MYCBP2: variants seen among roughly 807,000 people sequenced by gnomAD.
The protein encoded by MYCBP2 is E3 ubiquitin-protein ligase MYCBP2.
Under a neutral mutation model 525.3 loss-of-function variants are expected in MYCBP2, and 120 were observed. The observed-to-expected ratio is 0.23, with a 90% CI of 0.20 to 0.27. MYCBP2 has a LOEUF of 0.27. MYCBP2 is among the 10% of genes least tolerant of loss of function. MYCBP2 has a pLI of 1.00. For synonymous variants in MYCBP2, 1,894 were observed against 1,955.8 expected, an observed-to-expected ratio of 0.97 and a Z score of 0.83; for missense variants, 4,149 against 5,657.1, an observed-to-expected ratio of 0.73 and a Z score of 8.55.
At chr13:77,111,074 A>G (rs2048735744) in intron 55 of MYCBP2, among the ~76,000 whole-genome samples, 1 of 152,210 alleles carries the variant, frequency 6.6e-6, no homozygotes. Context: ...CTACAGGTAC[A>G]GAAGTTTGAG....
chr13:77,246,951 G>A (rs1007975217), intron 15 of MYCBP2, among the ~76,000 whole-genome samples: 29 of 152,062 alleles, frequency 1.9e-4, no homozygotes, highest in African/African-American at 6.3e-4. Context: ...GACAAACTAG[G>A]AATAGAAGGA....
At chr13:77,155,318 T>A (rs529179098) in intron 46 of MYCBP2, among the ~76,000 whole-genome samples, 4 of 152,104 alleles carry the variant, frequency 2.6e-5, no homozygotes, top group Non-Finnish European at 5.9e-5. Context: ...AGCTACCCAA[T>A]GAGCAAAAAG....
chr13:77,232,138 G>A (rs1165127303), intron 18 of MYCBP2, among the ~76,000 whole-genome samples: 1 of 152,076 alleles, frequency 6.6e-6, no homozygotes, highest in Non-Finnish European at 1.5e-5. Context: ...CAGACTGAAA[G>A]AGGCAAATAA....
At chr13:77,108,868 T>C (rs550752070) in intron 55 of MYCBP2, among the ~76,000 whole-genome samples, 1 of 152,272 alleles carries the variant, frequency 6.6e-6, no homozygotes, top group Non-Finnish European at 1.5e-5. Context: ...CACACCCAGC[T>C]AATTTTTTGT....
Position 77,326,684 on chromosome 13 carries a change from G to A in MYCBP2, c.92C>T (p.Ser31Phe), listed in dbSNP as rs977906125. The A allele has an allele frequency of 3.4e-6, 5 of 1,454,798 alleles. No individual in the cohort carries two copies. The Admixed American group carries it at 1.2e-4, about 34-fold the overall frequency. 90.1% of individuals were successfully genotyped at this position (1,454,798 alleles called of 1,614,324 possible). A position where few individuals can be genotyped will look rare whatever the true frequency, so the allele number is the denominator to read the frequency against. ...GFYPAATFSS[S>F]PAPGALFMPV... is the part of the protein sequence containing the mutation. Reference sequence around the variant, plus strand: ...CATGAACAGCGCCCCCGGCGCCGGGGAGGAAGAGAAGGTGGCGGCTGGGTA... The same window carrying A: ...CATGAACAGCGCCCCCGGCGCCGGGAAGGAAGAGAAGGTGGCGGCTGGGTA... The change falls in exon 1 of 83, where the codon TCC (serine) becomes TTC (phenylalanine). Residue 31 changes from serine (S) to phenylalanine (F), a missense_variant. Physicochemically the swap from Ser to Phe is radical, Grantham distance 155. Coordinates refer to ENST00000544440, the MANE Select transcript of MYCBP2 (RefSeq NM_015057.5). This position sits in a 1 kb window ranked among gnomAD's most constrained non-coding sequence, Gnocchi z 4.2.
At chr13:77,104,642 C>G (rs2047583808) in intron 55 of MYCBP2, among the ~76,000 whole-genome samples, 1 of 152,052 alleles carries the variant, frequency 6.6e-6, no homozygotes, top group Non-Finnish European at 1.5e-5. Flanking sequence ...CAGGAAATAT[C>G]CGGCAGGCAA....
intron 81 of MYCBP2, among the ~76,000 whole-genome samples, 192 bp from the exon 82 acceptor site, chr13:77,051,354 C>A (rs1408490829): frequency 1.3e-5 from 2 of 152,228 alleles, no homozygotes; most frequent in Non-Finnish European, 2.9e-5. Flanking sequence ...TCCAAAAGGT[C>A]TGGACAAAGA....
intron 3 of MYCBP2, among the ~76,000 whole-genome samples, chr13:77,280,468 T>C (rs1476070471): frequency 1.3e-5 from 2 of 152,246 alleles, no homozygotes; most frequent in African/African-American, 4.8e-5. Flanking sequence ...TATGGGGCTC[T>C]ATTCTCAAGC....
rs773112711 is a variant in MYCBP2 at position 77,139,983 on chromosome 13, T to C, written c.7518+64A>G. 10 of 1,063,778 alleles carry C rather than the reference T, an allele frequency of 9.4e-6. No homozygotes were observed. In the African/African-American group the frequency reaches 1.4e-4, roughly 15 times the overall value. 65.9% of individuals were successfully genotyped at this position (1,063,778 alleles called of 1,614,324 possible). ...GACAAAAAACTCAGTAACCTTATTA[T>C]TATGCAAACAATGCAAAAACTTTCT... On this transcript the variant is annotated intron_variant, in intron 51 of 82. Coordinates refer to ENST00000544440, the MANE Select transcript of MYCBP2 (RefSeq NM_015057.5).
intron 52 of MYCBP2, among the ~76,000 whole-genome samples, chr13:77,136,680 G>A (rs571274098): frequency 4.6e-5 from 7 of 152,100 alleles, no homozygotes; most frequent in Non-Finnish European, 8.8e-5. Context: ...AATATTCATT[G>A]CATTTCTCAA....
chr13:77,324,368 TATC>T (rs1199679441), intron 1 of MYCBP2, among the ~76,000 whole-genome samples: 2 of 152,192 alleles, frequency 1.3e-5, no homozygotes, highest in South Asian at 2.1e-4. Flanking sequence ...CTCTAAAAGA[TATC>T]ATCTTCTCCT....
intron 26 of MYCBP2, among the ~76,000 whole-genome samples, chr13:77,199,485 A>T (rs910715973): frequency 2.6e-5 from 4 of 152,272 alleles, no homozygotes; most frequent in African/African-American, 9.6e-5. Flanking sequence ...GCCATTGCCC[A>T]GGCTTGCTTA....
chr13:77,162,036 A>G (rs765498076), intron 43 of MYCBP2, 81 bp from the exon 44 acceptor site: 7 of 945,944 alleles, frequency 7.4e-6, no homozygotes, highest in Non-Finnish European at 9.7e-6. Flanking sequence ...CATTCATTAC[A>G]CTTTTTTTAA....
At chr13:77,047,113 C>T (rs1293421670) in intron 82 of MYCBP2, among the ~76,000 whole-genome samples, 1 of 152,154 alleles carries the variant, frequency 6.6e-6, no homozygotes, top group Non-Finnish European at 1.5e-5. Context: ...AAGTGCATGG[C>T]TCCCATCTTC....
In MYCBP2 at chr13:77,179,324, G is replaced by A. The variant is rs556369942; in HGVS notation, c.5133+803C>T. Among the ~76,000 whole-genome samples, 4 of 152,316 alleles carry A rather than the reference G, an allele frequency of 2.6e-5. No homozygotes were observed. The East Asian group carries it at 7.7e-4, about 29-fold the overall frequency. On this transcript the variant is annotated intron_variant, in intron 34 of 82. Transcript: ENST00000544440. ...TTAAACATTCATTTGAATGATGTAA[G>A]ATATTTCATATTAGGACATGATTTT...
At chr13:77,073,252 G>T (rs1266181503) in intron 68 of MYCBP2, among the ~76,000 whole-genome samples, 1 of 151,828 alleles carries the variant, frequency 6.6e-6, no homozygotes, top group Non-Finnish European at 1.5e-5. Flanking sequence ...CGGAATAAAA[G>T]AAATGAAGAA....
Position 77,326,504 on chromosome 13 carries a change from C to G in MYCBP2, c.272G>C (p.Gly91Ala). The part of the protein sequence containing the change: ...YTAALNDRDQ[G>A]GGSAGHPASR... ...GGCTGGGTGTCCAGCGCTGCCGCCC[C>G]CCTGGTCCCTGTCATTGAGCGCAGC... Residue 91 changes from glycine (G) to alanine (A), a missense_variant, in exon 1 of 83, where the codon GGG becomes GCG. Around this residue, in one of 21 missense-constraint regions of MYCBP2, gnomAD observed 413 missense variants for 451.2 expected, o/e 0.92. Transcript: ENST00000544440. The surrounding 1 kb of genome is among the most constrained non-coding windows in gnomAD (Gnocchi z 4.2). 1 of 1,591,952 alleles carries G rather than the reference C, an allele frequency of 6.3e-7. No individual in the cohort carries two copies. The highest frequency in any genetic ancestry group is 8.5e-7 in the Non-Finnish European group (1 of 1,169,936).
intron 1 of MYCBP2, among the ~76,000 whole-genome samples, chr13:77,308,300 C>T (rs1379448381): frequency 6.6e-6 from 1 of 152,278 alleles, no homozygotes. Flanking sequence ...TAACCCAGGG[C>T]CTTACTCTAT....
In MYCBP2 at chr13:77,252,632, A is replaced by T. The variant is rs923776093; in HGVS notation, c.2177-1277T>A. On this transcript the variant is annotated intron_variant, in intron 14 of 82. Coordinates refer to ENST00000544440, the MANE Select transcript of MYCBP2 (RefSeq NM_015057.5). ...TAGTCAATCTTATTCTCTCACACCT[A>T]TCACATCCATTTAACATACAGCTAT... Among the ~76,000 whole-genome samples the T allele has an allele frequency of 5.3e-5, 8 of 152,242 alleles. No individual in the cohort carries two copies. The East Asian group carries it at 1.5e-3, about 29-fold the overall frequency.
Sources: allele counts gnomAD v4.1 joint callset (sites outside exome capture counted in the v4.1 genomes callset), GRCh38; gene constraint gnomAD v4.1.1; regional missense constraint gnomAD v4.1.1; non-coding constraint Gnocchi (gnomAD v3.1); transcripts MANE v1.5; gene names NCBI Gene and HGNC (gene_info 2026-07-23, HGNC 2026-07-21).